Variants in THSD7A observed in about 807,000 individuals in gnomAD.
THSD7A encodes the protein thrombospondin type 1 domain containing 7A.
Under a neutral mutation model 231.3 loss-of-function variants are expected in THSD7A, and 96 were observed. The ratio of observed to expected loss-of-function variants is 0.41; its 90% CI spans 0.35 to 0.49. The LOEUF (loss-of-function observed/expected upper bound fraction) is 0.49. THSD7A is among the 20% of genes least tolerant of loss of function. The pLI, the probability that THSD7A is intolerant of heterozygous loss-of-function variation, is 0.05. For missense variants in THSD7A, 2,290 were observed against 2,070.2 expected (o/e 1.11, Z -2.06); for synonymous variants, 940 against 743.3 (o/e 1.26, Z -4.30).
At chr7:11,498,987 T>C (rs1482968655) in intron 6 of THSD7A, among the ~76,000 whole-genome samples, 1 of 152,170 alleles carries the variant, frequency 6.6e-6, no homozygotes, top group Non-Finnish European at 1.5e-5. Context: ...GCACTGGAGT[T>C]ATCAAGCCAG....
chr7:11,555,097 C>T (rs1482804093), intron 4 of THSD7A, among the ~76,000 whole-genome samples: 2 of 151,298 alleles, frequency 1.3e-5, no homozygotes, highest in African/African-American at 4.9e-5. Context: ...TCATTGATTT[C>T]TGTTCTTATG....
chr7:11,771,429 TAGAAAA>T (rs1783224849), intron 1 of THSD7A, among the ~76,000 whole-genome samples: 1 of 152,000 alleles, frequency 6.6e-6, no homozygotes, highest in African/African-American at 2.4e-5. Context: ...ATTAAATAAA[TAGAAAA>T]TAAATAAAGC....
chr7:11,643,640 C>T (rs561295057), intron 1 of THSD7A, among the ~76,000 whole-genome samples: 2 of 151,536 alleles, frequency 1.3e-5, no homozygotes, highest in South Asian at 2.1e-4. Context: ...ACCTTCTATA[C>T]TGTTATTTAA....
intron 8 of THSD7A, among the ~76,000 whole-genome samples, chr7:11,470,324 A>G (rs1313895110): frequency 2.0e-5 from 3 of 152,046 alleles, no homozygotes; most frequent in African/African-American, 7.2e-5. Context: ...TTTAAGAAAA[A>G]TTTTGTGAAA....
At chr7:11,730,913 G>A (rs1418434806) in intron 1 of THSD7A, among the ~76,000 whole-genome samples, 3 of 151,480 alleles carry the variant, frequency 2.0e-5, no homozygotes, top group South Asian at 2.1e-4. Flanking sequence ...CTTTCTGTCC[G>A]CTATGACAAC....
At chr7:11,808,224 C>T (rs1784446389) in intron 1 of THSD7A, among the ~76,000 whole-genome samples, 1 of 152,078 alleles carries the variant, frequency 6.6e-6, no homozygotes, top group Non-Finnish European at 1.5e-5. Context: ...GCCAATGTGA[C>T]AATATTAAAA....
Position 11,548,395 on chromosome 7 carries a change from G to C in THSD7A, c.1454-5278C>G, listed in dbSNP as rs189281967. Among the ~76,000 whole-genome samples the C allele has an allele frequency of 2.8e-3, 433 of 152,160 alleles. 2 individuals are homozygous for C. Among genetic ancestry groups the C allele is most frequent in the African/African-American group, 9.9e-3 (410 of 41,530 alleles). On this transcript the variant is annotated intron_variant, in intron 4 of 27. Transcript: ENST00000423059. ...CCCTTACCAACCACAAAAGGGCTTG[G>C]AGTAGACAGACTCACAGTTGAATTC...
At chr7:11,393,247 G>C (rs1045613570) in intron 23 of THSD7A, among the ~76,000 whole-genome samples, 1 of 152,206 alleles carries the variant, frequency 6.6e-6, no homozygotes, top group Non-Finnish European at 1.5e-5. Context: ...CAGGCAAACA[G>C]GGTCTGGAGT....
intron 4 of THSD7A, among the ~76,000 whole-genome samples, chr7:11,577,787 G>C (rs1790982614): frequency 6.6e-6 from 1 of 151,938 alleles, no homozygotes; most frequent in Admixed American, 6.6e-5. Context: ...GAGCAATGGT[G>C]AAAGTGCTGT....
intron 22 of THSD7A, among the ~76,000 whole-genome samples, chr7:11,403,045 T>C (rs1455503758): frequency 6.6e-6 from 1 of 152,194 alleles, no homozygotes; most frequent in East Asian, 1.9e-4. Flanking sequence ...GAAAAGATTT[T>C]ATGAAATACA....
chr7:11,739,660 C>T (rs1369097953), intron 1 of THSD7A, among the ~76,000 whole-genome samples: 1 of 151,662 alleles, frequency 6.6e-6, no homozygotes, highest in Non-Finnish European at 1.5e-5. Flanking sequence ...TCAAGCAATC[C>T]TCTCACCCTG....
chr7:11,503,292 G>A (rs1220007298), intron 6 of THSD7A, among the ~76,000 whole-genome samples: 2 of 152,090 alleles, frequency 1.3e-5, no homozygotes, highest in East Asian at 3.9e-4. Flanking sequence ...CCTTTCTTAT[G>A]CCATATACAA....
At chr7:11,420,485 A>G (rs754500887) in intron 16 of THSD7A, among the ~76,000 whole-genome samples, 14 of 152,366 alleles carry the variant, frequency 9.2e-5, no homozygotes, top group East Asian at 3.9e-4. Context: ...GTAAGAGTTC[A>G]GGCTTGGGAG....
At chr7:11,540,644 G>T (rs1265378653) in intron 6 of THSD7A, among the ~76,000 whole-genome samples, 3 of 152,176 alleles carry the variant, frequency 2.0e-5, no homozygotes, top group East Asian at 3.8e-4. Flanking sequence ...GTCTGGGGGA[G>T]TCTTGTGGTT....
intron 1 of THSD7A, among the ~76,000 whole-genome samples, chr7:11,778,387 C>T (rs1783508698): frequency 6.6e-6 from 1 of 151,944 alleles, no homozygotes; most frequent in South Asian, 2.1e-4. Flanking sequence ...TTATGATTAA[C>T]CAAGTCATTA....
At chr7:11,417,364 A>T in intron 17 of THSD7A, 86 bp downstream of exon 17, 1 of 1,280,614 alleles carries the variant, frequency 7.8e-7, no homozygotes, top group East Asian at 2.6e-5. Context: ...CATTGAAGTT[A>T]TTATATTCAA....
At chr7:11,789,282 G>C (rs955141709) in intron 1 of THSD7A, among the ~76,000 whole-genome samples, 8 of 152,014 alleles carry the variant, frequency 5.3e-5, no homozygotes, top group African/African-American at 1.7e-4. Context: ...CATGTAGGCC[G>C]TTGCTGGTAA....
At chr7:11,688,445 C>T (rs1780129225) in intron 1 of THSD7A, among the ~76,000 whole-genome samples, 1 of 151,684 alleles carries the variant, frequency 6.6e-6, no homozygotes, top group Admixed American at 6.6e-5. Context: ...GGAGAGAACA[C>T]CAAGAGTGCA....
chr7:11,462,167 C>CTCTG, intron 9 of THSD7A, 24 bp from the exon 10 acceptor site: 1 of 1,612,498 alleles, frequency 6.2e-7, no homozygotes, highest in Non-Finnish European at 8.5e-7. Context: ...GTTTTTTAAC[C>CTCTG]TCTGTACTTT....
Sources: allele counts gnomAD v4.1 joint callset (sites outside exome capture counted in the v4.1 genomes callset), GRCh38; gene constraint gnomAD v4.1.1; transcripts MANE v1.5; gene names NCBI Gene and HGNC (gene_info 2026-07-23, HGNC 2026-07-21).